RIMS1: variants seen among roughly 807,000 people sequenced by gnomAD.
RIMS1 encodes the protein regulating synaptic membrane exocytosis 1.
RIMS1 carries 83 observed loss-of-function variants against 214.1 expected under a neutral mutation model. The ratio of observed to expected loss-of-function variants is 0.39; its 90% CI spans 0.32 to 0.47. RIMS1 has a LOEUF of 0.47. Among genes scored for constraint, RIMS1 ranks in the 20% least tolerant of loss-of-function variants. The pLI is 0.99. For synonymous variants in RIMS1, 793 were observed against 786.8 expected (o/e 1.01, Z -0.13); for missense variants, 2,050 against 2,161.8 (o/e 0.95, Z 1.03).
chr6:72,182,983 C>G lies in RIMS1; in HGVS notation c.1512C>G (p.Asp504Glu). The change falls in exon 6 of 34, where the codon GAC (aspartate) becomes GAG (glutamate). Residue 504 changes from aspartate (D) to glutamate (E), a missense_variant. Physicochemically the swap from Asp to Glu is conservative, Grantham distance 45. Coordinates refer to ENST00000521978, the MANE Select transcript of RIMS1 (RefSeq NM_014989.7). ...TGCGGAACGACTCTTTGAGCTCAGA[C>G]CAGTCCGAGTCGGTGCGGCCGTCCC... ...TMLRNDSLSS[D>E]QSESVRPSPP... 1 of 1,594,594 alleles carries G rather than the reference C, an allele frequency of 6.3e-7. No homozygotes were observed. Among genetic ancestry groups the G allele is most frequent in the Non-Finnish European group, 8.5e-7 (1 of 1,171,842 alleles).
At chr6:72,342,615 A>C (rs1346109612) in intron 29 of RIMS1, among the ~76,000 whole-genome samples, 2 of 146,358 alleles carry the variant, frequency 1.4e-5, no homozygotes, top group South Asian at 2.2e-4. Flanking sequence ...GGGAGTAGTA[A>C]GAGTAAGATG....
At chr6:72,141,933 G>C (rs2042126769) in intron 4 of RIMS1, among the ~76,000 whole-genome samples, 1 of 151,860 alleles carries the variant, frequency 6.6e-6, no homozygotes, top group Non-Finnish European at 1.5e-5. Context: ...CTTCCTTCAA[G>C]TTCTAACATT....
intron 4 of RIMS1, among the ~76,000 whole-genome samples, chr6:72,172,627 T>A: frequency 6.6e-6 from 1 of 152,208 alleles, no homozygotes; most frequent in East Asian, 1.9e-4. Context: ...AGCCAAGCAA[T>A]GAATTTAGAT....
rs41265489 is a variant in RIMS1 at position 72,099,938 on chromosome 6, C to T, written c.460-37C>T. ...ATTTTGTTTTTCTTTTCTTTGTCTT[C>T]TTTCTCTACTCTGCTTCCTTGGATG... On this transcript the variant is annotated intron_variant, in intron 3 of 33. Coordinates refer to ENST00000521978, the MANE Select transcript of RIMS1 (RefSeq NM_014989.7). 112,340 of 1,580,778 alleles carry T rather than the reference C, an allele frequency of 0.071. 4,463 individuals carry two copies. The highest frequency in any genetic ancestry group is 0.097 in the Middle Eastern group (577 of 5,938).
intron 9 of RIMS1, among the ~76,000 whole-genome samples, chr6:72,240,630 C>CTTTTTTTT (rs11344285): frequency 1.3e-4 from 11 of 82,490 alleles, no homozygotes; most frequent in Non-Finnish European, 1.8e-4. Flanking sequence ...TTTCTTTTTT[C>CTTTTTTTT]TTTTTTTTTT....
chr6:72,250,135 G>A lies in RIMS1; in HGVS notation c.2242-195G>A, dbSNP rs147812931. On this transcript the variant is annotated intron_variant, in intron 12 of 33. Transcript: ENST00000521978. The stretch of plus-strand genomic sequence containing the variant: ...TGAAGGCCTGCCAGTTGTAGGTTAT[G>A]TTTAAAGTACTCAAAGAGAAAAGTA... Among the ~76,000 whole-genome samples the A allele has an allele frequency of 7.2e-5, 11 of 152,234 alleles. No individual in the cohort carries two copies. In the East Asian group the frequency reaches 1.5e-3, roughly 21 times the overall value.
intron 4 of RIMS1, among the ~76,000 whole-genome samples, chr6:72,147,582 A>C (rs1445635114): frequency 1.3e-5 from 2 of 152,172 alleles, no homozygotes; most frequent in Admixed American, 1.3e-4. Flanking sequence ...AGGGCCTCTC[A>C]TGTGTGTGTG....
chr6:72,215,430 G>A (rs1046441820), intron 6 of RIMS1, among the ~76,000 whole-genome samples: 2 of 152,192 alleles, frequency 1.3e-5, no homozygotes, highest in African/African-American at 4.8e-5. Flanking sequence ...GTAGTGAAAA[G>A]CTCATACATG....
intron 2 of RIMS1, among the ~76,000 whole-genome samples, chr6:71,998,836 A>G (rs1804257141): frequency 6.6e-6 from 1 of 152,158 alleles, no homozygotes. Context: ...ATTTTCCAGG[A>G]GGAGCTTTAG....
At chr6:72,177,406 C>T (rs2047861412) in intron 4 of RIMS1, among the ~76,000 whole-genome samples, 2 of 152,150 alleles carry the variant, frequency 1.3e-5, no homozygotes, top group African/African-American at 4.8e-5. Flanking sequence ...CATGCACCAC[C>T]ATGCCCGGCT....
rs1237149454 is a variant in RIMS1 at position 72,007,215 on chromosome 6, G to T, written c.245+38152G>T. 1.2e-4 allele frequency among the ~76,000 whole-genome samples: 18 copies of T among 152,326 alleles called. No homozygotes were observed. In the East Asian group the frequency reaches 3.3e-3, roughly 28 times the overall value. On this transcript the variant is annotated intron_variant, in intron 2 of 33. Transcript: ENST00000521978. The stretch of plus-strand genomic sequence containing the variant: ...CGCTGCTGATACCCAGGCAAACAGG[G>T]TCTGGAGTGGACCTCCAGCAAACTC...
chr6:72,192,691 A>G, intron 6 of RIMS1, among the ~76,000 whole-genome samples: 1 of 152,146 alleles, frequency 6.6e-6, no homozygotes, highest in East Asian at 1.9e-4. Context: ...CCATTATGGT[A>G]GCTATGCCCA....
chr6:72,345,433 T>A (rs2154362192), intron 29 of RIMS1, among the ~76,000 whole-genome samples: 1 of 146,022 alleles, frequency 6.8e-6, no homozygotes, highest in East Asian at 1.9e-4. Context: ...CATGTGTTAA[T>A]TCCTTCAATT....
intron 1 of RIMS1, among the ~76,000 whole-genome samples, chr6:71,941,142 A>G (rs1045145967): frequency 5.3e-5 from 8 of 152,104 alleles, no homozygotes. Context: ...TATTTAGTTC[A>G]GTACTCACCG....
At chr6:71,988,528 T>C (rs1160807710) in intron 2 of RIMS1, among the ~76,000 whole-genome samples, 1 of 152,180 alleles carries the variant, frequency 6.6e-6, no homozygotes, top group Non-Finnish European at 1.5e-5. Flanking sequence ...CAGTATGTAA[T>C]AATATATATA....
At chr6:72,288,456 T>G (rs1203170921) in intron 24 of RIMS1, among the ~76,000 whole-genome samples, 2 of 152,152 alleles carry the variant, frequency 1.3e-5, no homozygotes, top group Non-Finnish European at 2.9e-5. Context: ...GTTATGTTAT[T>G]TATCCATCCT....
At position 72,096,458 on chromosome 6, in the gene RIMS1, G is replaced by A. The variant is rs185238127; in HGVS notation, c.246-491G>A. 1.0e-3 allele frequency among the ~76,000 whole-genome samples: 156 copies of A among 152,264 alleles called. 1 individual carries two copies. Among genetic ancestry groups the A allele is most frequent in the Non-Finnish European group, 4.3e-4 (29 of 68,026 alleles). ...AGTATGCATCATGCTCAAATACTGG[G>A]TCATGGAATCAATTTATTGTGACAA... On this transcript the variant is annotated intron_variant, in intron 2 of 33. Transcript: ENST00000521978.
At chr6:72,048,999 AGGT>A (rs1182251714) in intron 2 of RIMS1, among the ~76,000 whole-genome samples, 2 of 152,192 alleles carry the variant, frequency 1.3e-5, no homozygotes, top group African/African-American at 2.4e-5. Flanking sequence ...ATAGGGGAGA[AGGT>A]GGAGTGCTGC....
chr6:72,269,087 A>G (rs2081862005), intron 22 of RIMS1, among the ~76,000 whole-genome samples: 1 of 152,094 alleles, frequency 6.6e-6, no homozygotes, highest in African/African-American at 2.4e-5. Context: ...CAGAGCAATC[A>G]TATCCTTGAT....
Sources: gnomAD v4.1 joint callset for allele counts (sites outside exome capture counted in the v4.1 genomes callset) on GRCh38, gnomAD v4.1.1 for gene constraint, MANE v1.5 for transcripts, NCBI Gene and HGNC (gene_info 2026-07-23, HGNC 2026-07-21) for gene names.